Variants in LINGO2 observed in about 807,000 individuals in gnomAD.
The protein encoded by LINGO2 is leucine rich repeat and Ig domain containing 2, also known as leucine-rich repeat and immunoglobulin-like domain-containing nogo receptor-interacting protein 2.
In LINGO2, 14 loss-of-function variants were observed where a neutral mutation model predicts 30.6. That is an observed-to-expected ratio of 0.46 (90% confidence interval 0.30 to 0.72). The LOEUF (loss-of-function observed/expected upper bound fraction) is 0.72. Among genes scored for constraint, LINGO2 ranks in the 30% least tolerant of loss-of-function variants. The probability of loss-of-function intolerance (pLI) is 0.07; values close to 1 mark genes in which losing one functional copy is unlikely to be tolerated. For synonymous variants in LINGO2, 317 were observed against 288.5 expected, an observed-to-expected ratio of 1.10 and a Z score of -1.00; for missense variants, 729 against 751.7, an observed-to-expected ratio of 0.97 and a Z score of 0.35.
chr9:28,221,903 T>G (rs924726306), intron 4 of LINGO2, among the ~76,000 whole-genome samples: 2 of 152,174 alleles, frequency 1.3e-5, no homozygotes, highest in Non-Finnish European at 2.9e-5. Flanking sequence ...AAGTTAATAT[T>G]TTAGCTAAAG....
chr9:28,225,456 G>T (rs948865575), intron 4 of LINGO2, among the ~76,000 whole-genome samples: 2 of 151,978 alleles, frequency 1.3e-5, no homozygotes, highest in South Asian at 2.1e-4. Flanking sequence ...GTAACAGATT[G>T]TATGAGAATT....
the LINGO2 span, among the ~76,000 whole-genome samples, chr9:29,041,454 G>A: frequency 6.6e-6 from 1 of 152,098 alleles, no homozygotes; most frequent in East Asian, 1.9e-4. Context: ...ATAGCTATGA[G>A]AGTCAAGACA....
At chr9:28,024,217 A>T (rs1398050312) in intron 4 of LINGO2, among the ~76,000 whole-genome samples, 1 of 152,174 alleles carries the variant, frequency 6.6e-6, no homozygotes, top group Non-Finnish European at 1.5e-5. Context: ...ATGATTTTTA[A>T]ATAAGTACTT....
the LINGO2 span, among the ~76,000 whole-genome samples, chr9:28,841,576 TTAAA>T: frequency 6.6e-6 from 1 of 151,116 alleles, no homozygotes; most frequent in Non-Finnish European, 1.5e-5. Flanking sequence ...AAACAAGCAA[TTAAA>T]TAAAGTATAT....
At chr9:28,638,742 C>G (rs1827416822) in intron 1 of LINGO2, among the ~76,000 whole-genome samples, 1 of 152,044 alleles carries the variant, frequency 6.6e-6, no homozygotes, top group South Asian at 2.1e-4. Flanking sequence ...AGCAGTCTAT[C>G]AATTTTGTTG....
At chr9:28,193,731 C>G (rs1819903936) in intron 4 of LINGO2, among the ~76,000 whole-genome samples, 3 of 152,166 alleles carry the variant, frequency 2.0e-5, no homozygotes, top group Admixed American at 6.5e-5. Context: ...CTGTGGGTCA[C>G]AAACTGAGAA....
chr9:28,697,923 C>A, the LINGO2 span, among the ~76,000 whole-genome samples: 1 of 151,996 alleles, frequency 6.6e-6, no homozygotes, highest in African/African-American at 2.4e-5. Context: ...CTTTAATCAC[C>A]TAAACAAAGC....
chr9:29,187,029 C>A, the LINGO2 span, among the ~76,000 whole-genome samples: 1 of 152,104 alleles, frequency 6.6e-6, no homozygotes, highest in Non-Finnish European at 1.5e-5. Flanking sequence ...ATTGTTGTCT[C>A]CCCAGAGTTT....
intron 1 of LINGO2, among the ~76,000 whole-genome samples, chr9:28,638,449 T>C (rs1158957887): frequency 1.3e-5 from 2 of 152,198 alleles, no homozygotes; most frequent in African/African-American, 4.8e-5. Flanking sequence ...CGTCTGGTCC[T>C]GGACTTTTTT....
chr9:27,964,034 C>T (rs1819979304), intron 5 of LINGO2, among the ~76,000 whole-genome samples: 1 of 152,066 alleles, frequency 6.6e-6, no homozygotes, highest in East Asian at 1.9e-4. Context: ...GATTTCAACT[C>T]TCTTTTTACA....
At chr9:28,530,195 C>T (rs1821176935) in intron 1 of LINGO2, among the ~76,000 whole-genome samples, 1 of 151,928 alleles carries the variant, frequency 6.6e-6, no homozygotes, top group African/African-American at 2.4e-5. Context: ...CTTAATCAGA[C>T]AATTCCAGAC....
At chr9:28,868,182 G>A in the LINGO2 span, among the ~76,000 whole-genome samples, 1 of 152,090 alleles carries the variant, frequency 6.6e-6, no homozygotes, top group Admixed American at 6.6e-5. Context: ...GCCTTCAGAA[G>A]TATACTATGA....
chr9:28,080,322 CT>C (rs1377252114), intron 4 of LINGO2, among the ~76,000 whole-genome samples: 2 of 152,136 alleles, frequency 1.3e-5, no homozygotes, highest in Admixed American at 6.6e-5. Flanking sequence ...GTTTTTCCAG[CT>C]TCTTCTTCTG....
chr9:28,014,536 T>C (rs1347309896), intron 4 of LINGO2, among the ~76,000 whole-genome samples: 4 of 152,174 alleles, frequency 2.6e-5, no homozygotes, highest in Non-Finnish European at 5.9e-5. Context: ...ACTGATACAC[T>C]AGATAAATTT....
intron 4 of LINGO2, among the ~76,000 whole-genome samples, chr9:28,167,235 G>A (rs1052392842): frequency 1.6e-4 from 23 of 147,526 alleles, no homozygotes; most frequent in African/African-American, 5.8e-4. Flanking sequence ...AACTTTGTAA[G>A]ATTCCCATGC....
chr9:27,986,830 G>A (rs1255467352), intron 5 of LINGO2, among the ~76,000 whole-genome samples: 3 of 151,862 alleles, frequency 2.0e-5, no homozygotes, highest in East Asian at 3.9e-4. Context: ...AGAAGGGTGG[G>A]TTATACAGAA....
the LINGO2 span, among the ~76,000 whole-genome samples, chr9:28,911,403 C>T: frequency 6.6e-6 from 1 of 151,884 alleles, no homozygotes; most frequent in African/African-American, 2.4e-5. Flanking sequence ...GACATTTCCA[C>T]TACAGGTACA....
the LINGO2 span, among the ~76,000 whole-genome samples, chr9:29,024,849 G>A: frequency 6.6e-6 from 1 of 152,034 alleles, no homozygotes; most frequent in Non-Finnish European, 1.5e-5. Context: ...TTTCAATCTG[G>A]AATACGTCAG....
the LINGO2 span, among the ~76,000 whole-genome samples, chr9:28,916,981 A>G: frequency 6.6e-6 from 1 of 152,204 alleles, no homozygotes; most frequent in Non-Finnish European, 1.5e-5. Context: ...TTTGGAAGAT[A>G]AGGTGGGAGT....
Sources: allele counts gnomAD v4.1 joint callset (sites outside exome capture counted in the v4.1 genomes callset), GRCh38; gene constraint gnomAD v4.1.1; transcripts MANE v1.5; gene names NCBI Gene and HGNC (gene_info 2026-07-23, HGNC 2026-07-21).